ATE1: variants seen among roughly 807,000 people sequenced by gnomAD.
The protein encoded by ATE1 is arginyltransferase 1, also known as arginyl-tRNA--protein transferase 1.
Under a neutral mutation model 70.5 loss-of-function variants are expected in ATE1, and 36 were observed. That is an observed-to-expected ratio of 0.51 (90% CI 0.39 to 0.67). The LOEUF (loss-of-function observed/expected upper bound fraction) is 0.67. Among genes scored for constraint, ATE1 ranks in the 30% least tolerant of loss-of-function variants. ATE1 has a pLI of 0.00. For missense variants in ATE1, 593 were observed against 629.5 expected (o/e 0.94, Z 0.62); for synonymous variants, 232 against 219.3 (o/e 1.06, Z -0.51).
chr10:121,817,572 T>C (rs769445764), intron 10 of ATE1, among the ~76,000 whole-genome samples: 1 of 151,850 alleles, frequency 6.6e-6, no homozygotes, highest in African/African-American at 2.4e-5. Context: ...ATCCCCTCTC[T>C]ACAAAAGCTT....
rs1944745218 is a variant in ATE1, at chr10:121,755,176, A to G, written c.1379-11318T>C. The stretch of plus-strand genomic sequence containing the variant: ...GTATGTGTGTATGCATTTTTGTGCT[A>G]TAAAGGACATTACAGGGAAAATCTG... On this transcript the variant is annotated intron_variant, in intron 11 of 11. Coordinates refer to ENST00000224652, the MANE Select transcript of ATE1 (RefSeq NM_001001976.3). Among the ~76,000 whole-genome samples the G allele has an allele frequency of 1.3e-5, 2 of 152,232 alleles. 1 individual carries two copies. Among genetic ancestry groups the G allele is most frequent in the South Asian group, 4.1e-4 (2 of 4,828 alleles).
rs192776427 is a variant in ATE1 at position 121,789,519 on chromosome 10, G to A, written c.1378+650C>T. Among the ~76,000 whole-genome samples, 1,516 of 151,920 alleles carry A rather than the reference G, an allele frequency of 1.0e-2. 13 individuals are homozygous for A. Among genetic ancestry groups the A allele is most frequent in the Middle Eastern group, 0.027 (8 of 294 alleles). On this transcript the variant is annotated intron_variant, in intron 11 of 11. Coordinates refer to ENST00000224652, the MANE Select transcript of ATE1 (RefSeq NM_001001976.3). ...TCACCATGTTGGCCAGGCTGGTCTCGAACTCCTGACCTCACGTGATCTGCC... is the reference window on the plus strand; with the variant it reads ...TCACCATGTTGGCCAGGCTGGTCTCAAACTCCTGACCTCACGTGATCTGCC...
intron 10 of ATE1, among the ~76,000 whole-genome samples, chr10:121,815,794 C>T (rs953634091): frequency 6.6e-5 from 10 of 152,138 alleles, no homozygotes; most frequent in Non-Finnish European, 1.2e-4. Flanking sequence ...AGTCACTAAC[C>T]GTTTAAACAG....
intron 7 of ATE1, among the ~76,000 whole-genome samples, chr10:121,899,387 G>A (rs538474117): frequency 1.3e-5 from 2 of 152,242 alleles, no homozygotes; most frequent in East Asian, 3.9e-4. Context: ...CTATTAAAAT[G>A]TTCTACTATC....
intron 10 of ATE1, among the ~76,000 whole-genome samples, chr10:121,825,629 C>A (rs1159538502): frequency 2.0e-5 from 3 of 152,128 alleles, no homozygotes; most frequent in Non-Finnish European, 4.4e-5. Context: ...CCACCTCACA[C>A]CCATTACAAT....
At chr10:121,928,327 C>A, upstream of ATE1, 2 of 1,516,014 alleles carry the variant, frequency 1.3e-6, no homozygotes, top group Non-Finnish European at 1.8e-6. Context: ...CGCGCCAACT[C>A]CGGCGTCGGG....
At chr10:121,923,924 T>A (rs1951979430) in intron 2 of ATE1, among the ~76,000 whole-genome samples, 1 of 152,196 alleles carries the variant, frequency 6.6e-6, no homozygotes, top group Non-Finnish European at 1.5e-5. Context: ...TTATTGCCTA[T>A]CTATTGATAG....
At chr10:121,914,510 A>G (rs941630496) in intron 3 of ATE1, among the ~76,000 whole-genome samples, 6 of 147,056 alleles carry the variant, frequency 4.1e-5, no homozygotes, top group Admixed American at 1.4e-4. Context: ...CCAACAGTGG[A>G]AAAAAAAAAA....
Position 121,759,605 on chromosome 10 carries a change from TC to T in ATE1, c.1379-15748del, listed in dbSNP as rs562266089. Among the ~76,000 whole-genome samples, 283 of 151,508 alleles carry T rather than the reference TC, an allele frequency of 1.9e-3. 1 individual carries two copies. The highest frequency in any genetic ancestry group is 3.0e-3 in the Admixed American group (46 of 15,154). ...CAGGTGTGGTGGCGGGCACCTGTAG[TC>T]CCAGCTACTTGGGAGGCTGAGGCAG... On this transcript the variant is annotated intron_variant, in intron 11 of 11. Coordinates refer to ENST00000224652, the MANE Select transcript of ATE1 (RefSeq NM_001001976.3).
At position 121,874,510 on chromosome 10, in the gene ATE1, G is replaced by C. The variant is rs139091069; in HGVS notation, c.943-4472C>G. ...TGAGAATTAAATCTGTATTTAACAA[G>C]GAGTGGAAGCTAAGGTTTGAGAAGA... On this transcript the variant is annotated intron_variant, in intron 7 of 11. Transcript: ENST00000224652. Among the ~76,000 whole-genome samples the C allele has an allele frequency of 8.2e-3, 1,246 of 152,322 alleles. 20 individuals are homozygous for C. Among genetic ancestry groups the C allele is most frequent in the African/African-American group, 0.029 (1,196 of 41,564 alleles).
At chr10:121,840,674 A>T (rs190584094) in intron 9 of ATE1, among the ~76,000 whole-genome samples, 1 of 152,064 alleles carries the variant, frequency 6.6e-6, no homozygotes, top group East Asian at 1.9e-4. Context: ...TTCTAAAGAT[A>T]GTACCTTATA....
At position 121,742,915 on chromosome 10, in the gene ATE1, A is replaced by T. The variant is rs1182667976; in HGVS notation, c.*765T>A. ...AAGGCAGGAACCAACATTTTTCTTT[A>T]AAAAAATTCAATTTCTTACATTTTT... On this transcript the variant is annotated 3_prime_UTR_variant, in exon 12 of 12. Transcript: ENST00000224652. 6.6e-6 allele frequency: 1 copy of T among 152,192 alleles called. No homozygotes were observed. The highest frequency in any genetic ancestry group is 1.9e-4 in the East Asian group (1 of 5,202). The allele number at this position is 152,192 out of a possible 1,614,324, so 9.4% of individuals were successfully genotyped here.
intron 11 of ATE1, chr10:121,782,573 G>A (rs533501399): frequency 6.6e-6 from 1 of 152,316 alleles, no homozygotes; most frequent in South Asian, 2.1e-4. Flanking sequence ...TAAACAGGAT[G>A]CAGGAAGACC....
chr10:121,874,912 G>A (rs967117800), intron 7 of ATE1, among the ~76,000 whole-genome samples: 15 of 150,208 alleles, frequency 1.0e-4, no homozygotes, highest in Admixed American at 2.0e-4. Flanking sequence ...AGGCCAAGGC[G>A]GGTGGATCAC....
chr10:121,848,493 C>T (rs1948925674), intron 8 of ATE1, among the ~76,000 whole-genome samples: 1 of 151,456 alleles, frequency 6.6e-6, no homozygotes, highest in Non-Finnish European at 1.5e-5. Context: ...TGGTGGGGGC[C>T]TGTAATCCCA....
At position 121,741,889 on chromosome 10, in the gene ATE1, T is replaced by C. The variant is rs550305055; in HGVS notation, c.*1791A>G. Reference sequence around the variant, plus strand: ...CTTCTGAGTATGGTAGGGTTGTAGATGATTTTTACTTTTTATTTATACTTC... The same window carrying C: ...CTTCTGAGTATGGTAGGGTTGTAGACGATTTTTACTTTTTATTTATACTTC... On this transcript the variant is annotated 3_prime_UTR_variant, in exon 12 of 12. Coordinates refer to ENST00000224652, the MANE Select transcript of ATE1 (RefSeq NM_001001976.3). 1 of 152,366 alleles carries C rather than the reference T, an allele frequency of 6.6e-6. No homozygotes were observed. Among genetic ancestry groups the C allele is most frequent in the Non-Finnish European group, 1.5e-5 (1 of 68,038 alleles). The allele number at this position is 152,366 out of a possible 1,614,324, so 9.4% of individuals were successfully genotyped here. A position where few individuals can be genotyped will look rare whatever the true frequency, so the allele number is the denominator to read the frequency against.
chr10:121,744,017 A>G (rs1040782159), intron 11 of ATE1, among the ~76,000 whole-genome samples, 159 bp from the exon 12 acceptor site: 14 of 145,546 alleles, frequency 9.6e-5, no homozygotes, highest in African/African-American at 3.6e-4. Flanking sequence ...CCACCTCTCA[A>G]GTTAATGCGA....
At chr10:121,804,536 C>T (rs1381356906) in intron 10 of ATE1, among the ~76,000 whole-genome samples, 1 of 152,182 alleles carries the variant, frequency 6.6e-6, no homozygotes, top group African/African-American at 2.4e-5. Flanking sequence ...GTTACTATTA[C>T]GGAGAGCCTG....
intron 10 of ATE1, among the ~76,000 whole-genome samples, chr10:121,791,796 G>C (rs1946463902): frequency 6.6e-6 from 1 of 152,124 alleles, no homozygotes; most frequent in Non-Finnish European, 1.5e-5. Flanking sequence ...TTCAAAAAAT[G>C]CTGCTCATGA....
Sources: allele counts gnomAD v4.1 joint callset (sites outside exome capture counted in the v4.1 genomes callset), GRCh38; gene constraint gnomAD v4.1.1; transcripts MANE v1.5; gene names NCBI Gene and HGNC (gene_info 2026-07-23, HGNC 2026-07-21).